ZNF385D: variants seen among roughly 807,000 people sequenced by gnomAD.
The protein encoded by ZNF385D is zinc finger protein 659.
ZNF385D carries 15 observed loss-of-function variants against 35.8 expected under a neutral mutation model. That is an observed-to-expected ratio of 0.42 (90% confidence interval 0.28 to 0.64). The LOEUF (loss-of-function observed/expected upper bound fraction) is 0.64, where lower values mean the gene tolerates loss of function less well. Among genes scored for constraint, ZNF385D ranks in the 30% least tolerant of loss-of-function variants. The probability of loss-of-function intolerance (pLI) is 0.23; values close to 1 mark genes in which losing one functional copy is unlikely to be tolerated. For missense variants in ZNF385D, 474 were observed against 494.6 expected (o/e 0.96, Z 0.39); for synonymous variants, 212 against 186.8 (o/e 1.13, Z -1.10).
chr3:21,634,818 CT>C (rs199974301), intron 2 of ZNF385D, among the ~76,000 whole-genome samples: 109 of 143,484 alleles, frequency 7.6e-4, no homozygotes, highest in Middle Eastern at 3.7e-3. Context: ...TTGGCTTACT[CT>C]TTTTTTTTTT....
intron 3 of ZNF385D, among the ~76,000 whole-genome samples, chr3:22,107,110 C>T (rs540524270): frequency 6.7e-6 from 1 of 149,406 alleles, no homozygotes; most frequent in South Asian, 2.2e-4. Flanking sequence ...CCACAACCTC[C>T]ACCTCTTGGA....
intron 3 of ZNF385D, among the ~76,000 whole-genome samples, chr3:21,957,989 G>C (rs938187818): frequency 6.6e-6 from 1 of 152,114 alleles, no homozygotes; most frequent in Admixed American, 6.6e-5. Context: ...TCAGCACCCT[G>C]CTTCTCAAGA....
rs2069025596 is a variant in ZNF385D, at chr3:21,732,027, GGGGTTTTTTTTTTTT to G, written c.22+18853_22+18867del. 7.2e-4 allele frequency among the ~76,000 whole-genome samples: 46 copies of G among 64,270 alleles called. 11 individuals are homozygous for G. Among genetic ancestry groups the G allele is most frequent in the African/African-American group, 1.0e-3 (12 of 12,032 alleles). The allele number at this position is 64,270 out of a possible 152,430, so 42.2% of individuals were successfully genotyped here. A position where few individuals can be genotyped will look rare whatever the true frequency, so the allele number is the denominator to read the frequency against. The stretch of plus-strand genomic sequence containing the variant: ...CTATTCAGGGTTTTTTTCTTTTTTC[GGGGTTTTTTTTTTTT>G]TTTTTTTTTTTTTTTTTTTTTTTTT... On this transcript the variant is annotated intron_variant, in intron 1 of 7. Coordinates refer to ENST00000281523, the MANE Select transcript of ZNF385D (RefSeq NM_024697.3).
chr3:22,001,870 T>A (rs1268007395), intron 3 of ZNF385D, among the ~76,000 whole-genome samples: 1 of 151,976 alleles, frequency 6.6e-6, no homozygotes, highest in Non-Finnish European at 1.5e-5. Flanking sequence ...AAGAAATTTT[T>A]AAAAATTGAA....
At chr3:22,166,925 T>G (rs1477949289) in intron 3 of ZNF385D, among the ~76,000 whole-genome samples, 4 of 152,268 alleles carry the variant, frequency 2.6e-5, no homozygotes, top group African/African-American at 9.6e-5. Context: ...TGAATCGTGC[T>G]GTACTTGAGG....
At chr3:21,695,164 C>A (rs529991010) in intron 1 of ZNF385D, among the ~76,000 whole-genome samples, 1 of 152,128 alleles carries the variant, frequency 6.6e-6, no homozygotes, top group African/African-American at 2.4e-5. Flanking sequence ...TATCACCTCC[C>A]GGAATACAAA....
At chr3:21,775,133 G>C (rs878936118) in intron 3 of ZNF385D, among the ~76,000 whole-genome samples, 1 of 151,806 alleles carries the variant, frequency 6.6e-6, no homozygotes, top group Non-Finnish European at 1.5e-5. Context: ...TCAAGAAGCA[G>C]GAAATCATCA....
rs200803155 is a variant in ZNF385D at position 21,724,477 on chromosome 3, C to CAAAAAAAAAAAAAAAA, written c.22+26402_22+26417dup. Among the ~76,000 whole-genome samples, 22 of 52,014 alleles carry CAAAAAAAAAAAAAAAA rather than the reference C, an allele frequency of 4.2e-4. 1 individual carries two copies. Among genetic ancestry groups the CAAAAAAAAAAAAAAAA allele is most frequent in the Non-Finnish European group, 5.2e-4 (16 of 30,682 alleles). 34.1% of individuals were successfully genotyped at this position (52,014 alleles called of 152,430 possible). A position where few individuals can be genotyped will look rare whatever the true frequency, so the allele number is the denominator to read the frequency against. On this transcript the variant is annotated intron_variant, in intron 1 of 7. Coordinates refer to ENST00000281523, the MANE Select transcript of ZNF385D (RefSeq NM_024697.3). ...AATATTTACCAAGCAAATGGAAAGCCAAAAAAAAAAAAAAAAAAAAAAAAA... is the reference window on the plus strand; with the variant it reads ...AATATTTACCAAGCAAATGGAAAGCCAAAAAAAAAAAAAAAAAAAAAAAAAAAAAAAAAAAAAAAAA...
intron 3 of ZNF385D, among the ~76,000 whole-genome samples, chr3:21,773,511 A>T (rs1320775260): frequency 6.6e-6 from 1 of 151,964 alleles, no homozygotes; most frequent in Non-Finnish European, 1.5e-5. Context: ...TTTTTTTGCA[A>T]TCTATCCATC....
intron 2 of ZNF385D, among the ~76,000 whole-genome samples, chr3:22,218,737 C>A (rs931354993): frequency 3.9e-5 from 6 of 152,072 alleles, no homozygotes; most frequent in African/African-American, 7.2e-5. Flanking sequence ...TGTCTTTCTC[C>A]TGGCTCTCAG....
chr3:21,611,573 G>C (rs2064681109), intron 2 of ZNF385D, among the ~76,000 whole-genome samples: 1 of 151,838 alleles, frequency 6.6e-6, no homozygotes, highest in Non-Finnish European at 1.5e-5. Context: ...TTTTTGTGAT[G>C]GCCAAATGAC....
At chr3:21,555,849 T>C (rs1040685567) in intron 3 of ZNF385D, among the ~76,000 whole-genome samples, 1 of 152,198 alleles carries the variant, frequency 6.6e-6, no homozygotes, top group Non-Finnish European at 1.5e-5. Context: ...AGCATTCCTA[T>C]TTCTCTACAT....
intron 2 of ZNF385D, among the ~76,000 whole-genome samples, chr3:22,363,926 G>T (rs1022172539): frequency 2.0e-5 from 3 of 152,012 alleles, no homozygotes; most frequent in African/African-American, 7.2e-5. Context: ...GGACATTTTG[G>T]CATCTTACCT....
chr3:21,677,699 AAAT>A (rs1166188216), intron 1 of ZNF385D, among the ~76,000 whole-genome samples: 1 of 152,042 alleles, frequency 6.6e-6, no homozygotes, highest in Non-Finnish European at 1.5e-5. Flanking sequence ...TCCTAATTTC[AAAT>A]AATAATAACC....
At chr3:21,974,775 C>T (rs1007538042) in intron 3 of ZNF385D, among the ~76,000 whole-genome samples, 1 of 152,208 alleles carries the variant, frequency 6.6e-6, no homozygotes, top group African/African-American at 2.4e-5. Flanking sequence ...GTAGACGTTT[C>T]TCAAAAGAAG....
In ZNF385D at chr3:22,238,130, T is replaced by C. The variant is rs534677856; in HGVS notation, c.107-69095A>G. Reference sequence around the variant, plus strand: ...GGTAGATCACAGATGTGAAGATTTATTTCTGCACTCTCAATTCTATTCTAC... The same window carrying C: ...GGTAGATCACAGATGTGAAGATTTACTTCTGCACTCTCAATTCTATTCTAC... On this transcript the variant is annotated intron_variant, in intron 2 of 5. Coordinates refer to the ZNF385D transcript ENST00000494108. Among the ~76,000 whole-genome samples the C allele has an allele frequency of 2.6e-5, 4 of 151,364 alleles. 1 individual carries two copies. In the South Asian group the frequency reaches 8.6e-4, roughly 33 times the overall value.
intron 3 of ZNF385D, among the ~76,000 whole-genome samples, chr3:21,822,293 C>T (rs997875238): frequency 1.3e-5 from 2 of 152,078 alleles, no homozygotes; most frequent in East Asian, 1.9e-4. Context: ...AGGATGGTCT[C>T]TATCTCCTGA....
At chr3:21,710,723 C>A in intron 1 of ZNF385D, among the ~76,000 whole-genome samples, 1 of 152,256 alleles carries the variant, frequency 6.6e-6, no homozygotes, top group Admixed American at 6.5e-5. Context: ...TATTTAAGGT[C>A]TTTGAAGCAT....
At chr3:21,713,930 G>C (rs1181759119) in intron 1 of ZNF385D, among the ~76,000 whole-genome samples, 1 of 152,010 alleles carries the variant, frequency 6.6e-6, no homozygotes, top group Non-Finnish European at 1.5e-5. Flanking sequence ...AAAGTCTATG[G>C]ATCCTACCAC....
Sources: gnomAD v4.1 joint callset for allele counts (sites outside exome capture counted in the v4.1 genomes callset) on GRCh38, gnomAD v4.1.1 for gene constraint, MANE v1.5 for transcripts, NCBI Gene and HGNC (gene_info 2026-07-23, HGNC 2026-07-21) for gene names.